USP15: variants seen among roughly 807,000 people sequenced by gnomAD.
The protein encoded by USP15 is ubiquitin specific peptidase 15.
Under a neutral mutation model 127.1 loss-of-function variants are expected in USP15, and 18 were observed. The observed-to-expected ratio is 0.14, with a 90% CI of 0.10 to 0.21. The LOEUF (loss-of-function observed/expected upper bound fraction) is 0.21, where lower values mean the gene tolerates loss of function less well. Among genes scored for constraint, USP15 ranks in the 10% least tolerant of loss-of-function variants. The pLI is 1.00. For synonymous variants in USP15, 364 were observed against 393.7 expected, an observed-to-expected ratio of 0.92 and a Z score of 0.89; for missense variants, 805 against 1,159.9, an observed-to-expected ratio of 0.69 and a Z score of 4.44.
intron 8 of USP15, among the ~76,000 whole-genome samples, chr12:62,368,938 G>A (rs1207005670): frequency 6.6e-6 from 1 of 152,092 alleles, no homozygotes; most frequent in Non-Finnish European, 1.5e-5. Context: ...TGCAGTGGCT[G>A]GTACTGGTTG....
intron 13 of USP15, 36 bp downstream of exon 13, chr12:62,389,735 A>G (rs770921581): frequency 1.3e-6 from 2 of 1,593,740 alleles, no homozygotes; most frequent in East Asian, 4.5e-5. Context: ...ATATTACTTG[A>G]AAAAAAATTA....
At chr12:62,329,122 A>C (rs556679054) in intron 6 of USP15, among the ~76,000 whole-genome samples, 1 of 151,992 alleles carries the variant, frequency 6.6e-6, no homozygotes, top group South Asian at 2.1e-4. Context: ...TAGGCTGGGC[A>C]TGGTGGCTTA....
intron 3 of USP15, among the ~76,000 whole-genome samples, chr12:62,304,048 C>A (rs560631117): frequency 6.6e-6 from 1 of 151,394 alleles, no homozygotes; most frequent in East Asian, 1.9e-4. Context: ...CAAAATATCT[C>A]TAAAGGTATT....
At chr12:62,269,711 G>A (rs571387179) in intron 1 of USP15, among the ~76,000 whole-genome samples, 5 of 152,110 alleles carry the variant, frequency 3.3e-5, no homozygotes, top group Admixed American at 2.0e-4. Flanking sequence ...ATGAGCCACT[G>A]TGTCTAGCCA....
At chr12:62,380,826 C>T (rs2066971232) in intron 8 of USP15, among the ~76,000 whole-genome samples, 1 of 151,916 alleles carries the variant, frequency 6.6e-6, no homozygotes, top group Admixed American at 6.6e-5. Flanking sequence ...TTTTTTAATT[C>T]GGAATTGGAA....
chr12:62,403,150 T>C (rs1188645607), intron 21 of USP15, among the ~76,000 whole-genome samples: 1 of 152,032 alleles, frequency 6.6e-6, no homozygotes, highest in Non-Finnish European at 1.5e-5. Flanking sequence ...GTTGGACTCA[T>C]AAGACAGGAG....
chr12:62,286,952 A>G, intron 1 of USP15, among the ~76,000 whole-genome samples: 1 of 151,768 alleles, frequency 6.6e-6, no homozygotes, highest in Non-Finnish European at 1.5e-5. Context: ...AAAAAAAAAA[A>G]GTGATACATA....
intron 8 of USP15, among the ~76,000 whole-genome samples, chr12:62,368,064 T>G (rs999602070): frequency 2.0e-5 from 3 of 152,172 alleles, no homozygotes; most frequent in Non-Finnish European, 4.4e-5. Flanking sequence ...ATTTCATTAT[T>G]TACCCAGTAG....
At chr12:62,391,098 T>C in intron 15 of USP15, 59 bp from the exon 16 acceptor site, 2 of 1,510,212 alleles carry the variant, frequency 1.3e-6, no homozygotes, top group South Asian at 1.3e-5. Context: ...ATTAATAATA[T>C]TAATAATTTA....
intron 2 of USP15, 27 bp from the exon 3 acceptor site, chr12:62,302,763 G>A: frequency 6.3e-7 from 1 of 1,595,722 alleles, no homozygotes; most frequent in South Asian, 1.1e-5. Flanking sequence ...TTAGAGTTAG[G>A]TATTGAGTTT....
chr12:62,314,726 ATT>A (rs1349427916), intron 3 of USP15, 62 bp from the exon 4 acceptor site: 5 of 1,346,762 alleles, frequency 3.7e-6, no homozygotes, highest in Non-Finnish European at 4.8e-6. Flanking sequence ...CTTTAAATGT[ATT>A]GTTATTAGAG....
rs1475940507 is a variant in USP15 at position 62,408,331 on chromosome 12, CTATGTAG to C, written c.*3962_*3968del. On this transcript the variant is annotated 3_prime_UTR_variant, in exon 22 of 22. Coordinates refer to ENST00000280377, the MANE Select transcript of USP15 (RefSeq NM_001252078.2). ...CATTATTGCCTACTTCCAACTCTCC[CTATGTAG>C]TATGTTTCTGATCTTCTGTGCTTGT... 1 of 152,086 alleles carries C rather than the reference CTATGTAG, an allele frequency of 6.6e-6. No homozygotes were observed. The highest frequency in any genetic ancestry group is 1.5e-5 in the Non-Finnish European group (1 of 68,020). 9.4% of individuals were successfully genotyped at this position (152,086 alleles called of 1,614,324 possible). A position where few individuals can be genotyped will look rare whatever the true frequency, so the allele number is the denominator to read the frequency against.
chr12:62,280,524 CT>C (rs1202108760), intron 1 of USP15, among the ~76,000 whole-genome samples: 1 of 152,124 alleles, frequency 6.6e-6, no homozygotes, highest in Non-Finnish European at 1.5e-5. Flanking sequence ...TAGATGGAAC[CT>C]TCTAGCTATA....
At chr12:62,314,293 T>C (rs534976429) in intron 3 of USP15, among the ~76,000 whole-genome samples, 3 of 152,050 alleles carry the variant, frequency 2.0e-5, no homozygotes, top group Admixed American at 6.5e-5. Flanking sequence ...AGTGATAATA[T>C]AGCCATTAAG....
At chr12:62,305,330 AG>A (rs2064450958) in intron 3 of USP15, among the ~76,000 whole-genome samples, 1 of 152,182 alleles carries the variant, frequency 6.6e-6, no homozygotes, top group South Asian at 2.1e-4. Context: ...CTTCAAAATA[AG>A]GATAAGACAA....
At chr12:62,266,936 C>T (rs2063205671) in intron 1 of USP15, among the ~76,000 whole-genome samples, 1 of 151,806 alleles carries the variant, frequency 6.6e-6, no homozygotes, top group South Asian at 2.1e-4. Context: ...GTTTAAATAC[C>T]TGGTTTATAA....
chr12:62,313,830 G>C (rs890311464), intron 3 of USP15, among the ~76,000 whole-genome samples: 3 of 151,734 alleles, frequency 2.0e-5, no homozygotes, highest in Admixed American at 6.6e-5. Context: ...GTAAATACTA[G>C]ATGAACTGCA....
chr12:62,294,284 T>C lies in USP15; in HGVS notation c.195T>C (p.Ile65=). Residue 65 remains isoleucine, a synonymous_variant, in exon 2 of 22, where the codon ATT becomes ATC. Transcript: ENST00000280377. Reference sequence around the variant, plus strand: ...ATCAAAATGTGTATCCTGGACCCATTGATAACTCTGGACTTCTCAAAGGTC... The same window carrying C: ...ATCAAAATGTGTATCCTGGACCCATCGATAACTCTGGACTTCTCAAAGGTC... The part of the protein sequence containing the change: ...MGDQNVYPGP[I]DNSGLLKDGD... 6.2e-7 allele frequency: 1 copy of C among 1,612,242 alleles called. No individual in the cohort carries two copies. The highest frequency in any genetic ancestry group is 8.5e-7 in the Non-Finnish European group (1 of 1,179,396).
chr12:62,402,691 T>G (rs1467022437), intron 21 of USP15, among the ~76,000 whole-genome samples: 1 of 151,978 alleles, frequency 6.6e-6, no homozygotes, highest in Admixed American at 6.6e-5. Flanking sequence ...GGAGATAAAT[T>G]TAGCGCTTAG....
Sources: gnomAD v4.1 joint callset for allele counts (sites outside exome capture counted in the v4.1 genomes callset) on GRCh38, gnomAD v4.1.1 for gene constraint, MANE v1.5 for transcripts, NCBI Gene and HGNC (gene_info 2026-07-23, HGNC 2026-07-21) for gene names.